Variants in RSRC1 observed in about 807,000 individuals in gnomAD.
RSRC1 encodes arginine and serine rich coiled-coil 1.
Under a neutral mutation model 49.1 loss-of-function variants are expected in RSRC1, and 39 were observed. That is an observed-to-expected ratio of 0.79 (90% CI 0.61 to 1.04). RSRC1 has a LOEUF of 1.04. Among genes scored for constraint, RSRC1 ranks in the 50% least tolerant of loss-of-function variants. RSRC1 has a pLI of 0.00. For synonymous variants in RSRC1, 143 were observed against 130.8 expected (o/e 1.09, Z -0.63); for missense variants, 388 against 402.4 (o/e 0.96, Z 0.31).
chr3:158,226,164 A>G (rs1023876512), intron 4 of RSRC1, among the ~76,000 whole-genome samples: 1 of 151,876 alleles, frequency 6.6e-6, no homozygotes, highest in South Asian at 2.1e-4. Context: ...AGGACAGGTG[A>G]AAAAAACTCT....
At chr3:158,367,924 G>A (rs1174933046) in intron 6 of RSRC1, among the ~76,000 whole-genome samples, 2 of 152,104 alleles carry the variant, frequency 1.3e-5, no homozygotes, top group Non-Finnish European at 2.9e-5. Flanking sequence ...AAATTGGTGT[G>A]TCCTAAAGAG....
intron 6 of RSRC1, among the ~76,000 whole-genome samples, chr3:158,429,368 A>G (rs1003133104): frequency 1.4e-5 from 2 of 147,934 alleles, no homozygotes; most frequent in Admixed American, 6.9e-5. Context: ...AACAAAGTAC[A>G]TAAAATCTAT....
At chr3:158,346,195 C>T (rs771522429) in intron 5 of RSRC1, among the ~76,000 whole-genome samples, 4 of 151,980 alleles carry the variant, frequency 2.6e-5, no homozygotes, top group African/African-American at 4.8e-5. Context: ...GTCTGTAATC[C>T]CAGCACCTTG....
At chr3:158,230,336 T>G (rs1722879669) in intron 4 of RSRC1, among the ~76,000 whole-genome samples, 1 of 152,148 alleles carries the variant, frequency 6.6e-6, no homozygotes, top group Non-Finnish European at 1.5e-5. Flanking sequence ...TTAACTTTGA[T>G]CATTTCATGA....
chr3:158,399,591 G>C (rs1733796418), intron 6 of RSRC1, among the ~76,000 whole-genome samples: 1 of 152,124 alleles, frequency 6.6e-6, no homozygotes, highest in Non-Finnish European at 1.5e-5. Flanking sequence ...ATTGATTACA[G>C]TAATATGAAA....
intron 3 of RSRC1, among the ~76,000 whole-genome samples, chr3:158,182,811 C>G (rs1291669328): frequency 6.6e-6 from 1 of 152,006 alleles, no homozygotes; most frequent in Non-Finnish European, 1.5e-5. Flanking sequence ...TCATGTGTAG[C>G]AGTTTTTTTA....
intron 7 of RSRC1, among the ~76,000 whole-genome samples, chr3:158,490,741 G>T (rs2363654): frequency 0.21 from 31,189 of 152,124 alleles, 3,766 homozygotes; most frequent in African/African-American, 0.34. Context: ...AGAGAAATTT[G>T]TGCTTTGGAG....
At chr3:158,509,557 G>A (rs908025003) in intron 7 of RSRC1, among the ~76,000 whole-genome samples, 1 of 152,020 alleles carries the variant, frequency 6.6e-6, no homozygotes, top group Non-Finnish European at 1.5e-5. Context: ...GCTGAGGTGG[G>A]AGGATCGCTT....
Position 158,203,224 on chromosome 3 carries a change from A to G in RSRC1, c.473A>G (p.Glu158Gly). ...EKEKDKGKDK[E>G]LHNIKRGESG... Reference sequence around the variant, plus strand: ...GAGAAGGATAAAGGGAAGGACAAGGAATTACATAACATCAAACGTGGGTAA... The same window carrying G: ...GAGAAGGATAAAGGGAAGGACAAGGGATTACATAACATCAAACGTGGGTAA... The change falls in exon 4 of 10, where the codon GAA becomes GGA. Residue 158 changes from glutamate to glycine, a missense_variant. By Grantham distance (98) the Glu-to-Gly change is moderately conservative. Transcript: ENST00000611884. 6.3e-7 allele frequency: 1 copy of G among 1,598,880 alleles called. No individual in the cohort carries two copies. Among genetic ancestry groups the G allele is most frequent in the Non-Finnish European group, 8.5e-7 (1 of 1,172,102 alleles).
intron 7 of RSRC1, among the ~76,000 whole-genome samples, chr3:158,470,357 C>T (rs899734443): frequency 0.025 from 3,199 of 128,290 alleles, 116 homozygotes; most frequent in African/African-American, 0.098. Flanking sequence ...CACACACACA[C>T]ACACATATAT....
rs536076058 is a variant in RSRC1 at position 158,201,636 on chromosome 3, T to C, written c.321-1436T>C. On this transcript the variant is annotated intron_variant, in intron 3 of 9. Transcript: ENST00000611884. ...TTCCTCTGTTATTACCAGTGTGCTT[T>C]TAATCTCATCCAGCATAATTTTAAT... 2.0e-5 allele frequency among the ~76,000 whole-genome samples: 3 copies of C among 152,332 alleles called. No individual in the cohort carries two copies. In the South Asian group the frequency reaches 6.2e-4, roughly 32 times the overall value.
intron 3 of RSRC1, among the ~76,000 whole-genome samples, chr3:158,202,768 G>A (rs111545783): frequency 1.3e-5 from 2 of 151,820 alleles, no homozygotes; most frequent in South Asian, 2.1e-4. Flanking sequence ...CCTTATTCTT[G>A]TAGATTAAAT....
At chr3:158,438,714 C>A (rs1211004798) in intron 6 of RSRC1, among the ~76,000 whole-genome samples, 4 of 152,122 alleles carry the variant, frequency 2.6e-5, no homozygotes, top group Admixed American at 6.6e-5. Flanking sequence ...ACCATAAAAA[C>A]CCTAGAAGAA....
chr3:158,184,289 A>G (rs890989066), intron 3 of RSRC1, among the ~76,000 whole-genome samples: 33 of 152,076 alleles, frequency 2.2e-4, no homozygotes, highest in African/African-American at 7.7e-4. Context: ...TATGAAAAAA[A>G]AAAAACAAAA....
At chr3:158,149,160 G>C (rs543542137) in intron 3 of RSRC1, among the ~76,000 whole-genome samples, 1 of 152,284 alleles carries the variant, frequency 6.6e-6, no homozygotes, top group African/African-American at 2.4e-5. Context: ...ACTGAGTACA[G>C]TTTATCTTTT....
chr3:158,357,993 G>A (rs1384273804), intron 6 of RSRC1, among the ~76,000 whole-genome samples: 5 of 152,116 alleles, frequency 3.3e-5, no homozygotes, highest in South Asian at 2.1e-4. Flanking sequence ...CTATTGCATC[G>A]TAATTGATAT....
intron 6 of RSRC1, among the ~76,000 whole-genome samples, chr3:158,454,625 T>C (rs1199066622): frequency 6.6e-6 from 1 of 152,148 alleles, no homozygotes; most frequent in Non-Finnish European, 1.5e-5. Context: ...TTATTTACAG[T>C]GATAGTGATT....
intron 2 of RSRC1, among the ~76,000 whole-genome samples, chr3:158,122,774 C>G (rs538162146): frequency 5.3e-5 from 8 of 152,112 alleles, no homozygotes; most frequent in Admixed American, 3.9e-4. Flanking sequence ...GTTCCCCTTC[C>G]TGTGTCCAAG....
At chr3:158,253,135 A>G (rs926896098) in intron 4 of RSRC1, among the ~76,000 whole-genome samples, 5 of 149,954 alleles carry the variant, frequency 3.3e-5, no homozygotes, top group African/African-American at 9.8e-5. Flanking sequence ...TTGGTCTTCT[A>G]TTTTCTTTTG....
Sources: allele counts gnomAD v4.1 joint callset (sites outside exome capture counted in the v4.1 genomes callset), GRCh38; gene constraint gnomAD v4.1.1; transcripts MANE v1.5; gene names NCBI Gene and HGNC (gene_info 2026-07-23, HGNC 2026-07-21).